HIVEP2: variants seen among roughly 807,000 people sequenced by gnomAD.
The protein encoded by HIVEP2 is transcription factor HIVEP2.
Under a neutral mutation model 180.7 loss-of-function variants are expected in HIVEP2, and 14 were observed. That is an observed-to-expected ratio of 0.08 (90% confidence interval 0.05 to 0.12). HIVEP2 has a LOEUF of 0.12. Among genes scored for constraint, HIVEP2 ranks in the 10% least tolerant of loss-of-function variants. The probability of loss-of-function intolerance (pLI) is 1.00; values close to 1 mark genes in which losing one functional copy is unlikely to be tolerated. For synonymous variants in HIVEP2, 1,184 were observed against 1,136.4 expected (o/e 1.04, Z -0.84); for missense variants, 2,579 against 3,008.5 (o/e 0.86, Z 3.34).
chr6:142,801,455 A>G (rs1298156502), intron 2 of HIVEP2, among the ~76,000 whole-genome samples: 1 of 151,818 alleles, frequency 6.6e-6, no homozygotes, highest in Non-Finnish European at 1.5e-5. Flanking sequence ...AGAAAGTTAG[A>G]TAACATTCTC....
chr6:142,790,149 T>C (rs953753616), intron 2 of HIVEP2, among the ~76,000 whole-genome samples: 4 of 152,284 alleles, frequency 2.6e-5, no homozygotes, highest in Non-Finnish European at 4.4e-5. Flanking sequence ...AGCTCTTTCA[T>C]TGAAAGTCAA....
At chr6:142,767,931 G>A (rs979418201) in intron 6 of HIVEP2, among the ~76,000 whole-genome samples, 4 of 152,182 alleles carry the variant, frequency 2.6e-5, no homozygotes, top group Non-Finnish European at 4.4e-5. Flanking sequence ...TCCCATTAAA[G>A]CCTCTAGTTT....
chr6:142,770,420 C>T lies in HIVEP2; in HGVS notation c.4319G>A (p.Arg1440Gln). The T allele has an allele frequency of 6.2e-7, 1 of 1,614,128 alleles. No individual in the cohort carries two copies. The highest frequency in any genetic ancestry group is 1.3e-5 in the African/African-American group (1 of 75,022). Residue 1440 changes from arginine to glutamine, a missense_variant, in exon 5 of 10, where the codon CGA becomes CAA. Arg to Gln is a conservative substitution (Grantham distance 43). Around this residue, in one of 11 missense-constraint regions of HIVEP2, gnomAD observed 29 missense variants for 64.7 expected, o/e 0.45. Coordinates refer to ENST00000367603, the MANE Select transcript of HIVEP2 (RefSeq NM_006734.4). The surrounding 1 kb of genome is among the most constrained non-coding windows in gnomAD (Gnocchi z 4.7). ...DSVATLGGSK[R>Q]MLSPASSLEL... is the part of the protein sequence containing the mutation. Reference sequence around the variant, plus strand: ...CAAGCTACTGGCTGGAGAAAGCATTCGCTTGCTACCTCCCAGGGTGGCCAC... The same window carrying T: ...CAAGCTACTGGCTGGAGAAAGCATTTGCTTGCTACCTCCCAGGGTGGCCAC...
intron 1 of HIVEP2, among the ~76,000 whole-genome samples, chr6:142,890,360 C>T (rs184847939): frequency 1.3e-5 from 2 of 152,226 alleles, no homozygotes; most frequent in African/African-American, 2.4e-5. Flanking sequence ...GCTTTTATTG[C>T]GTGTACTTCT....
At chr6:142,778,038 T>C (rs1775751385) in intron 3 of HIVEP2, among the ~76,000 whole-genome samples, 1 of 152,154 alleles carries the variant, frequency 6.6e-6, no homozygotes, top group Non-Finnish European at 1.5e-5. Flanking sequence ...CCCAGATATT[T>C]GTAGTAAGAC....
chr6:142,860,707 G>A (rs1379790296), intron 1 of HIVEP2, among the ~76,000 whole-genome samples: 1 of 152,144 alleles, frequency 6.6e-6, no homozygotes, highest in Non-Finnish European at 1.5e-5. Flanking sequence ...GATATGACAG[G>A]AGGCGGAGCT....
At chr6:142,882,907 T>C (rs1776608291) in intron 1 of HIVEP2, among the ~76,000 whole-genome samples, 1 of 152,112 alleles carries the variant, frequency 6.6e-6, no homozygotes, top group South Asian at 2.1e-4. Flanking sequence ...GGACCACATA[T>C]TAACCAGGAA....
chr6:142,879,833 CTGTTT>C (rs1456010595), intron 1 of HIVEP2, among the ~76,000 whole-genome samples: 1 of 152,118 alleles, frequency 6.6e-6, no homozygotes, highest in Non-Finnish European at 1.5e-5. Context: ...AGGCTGCGTT[CTGTTT>C]CCCTGGTTTA....
chr6:142,795,338 G>A (rs1481924911), intron 2 of HIVEP2, among the ~76,000 whole-genome samples: 1 of 151,832 alleles, frequency 6.6e-6, no homozygotes, highest in African/African-American at 2.4e-5. Context: ...TATCACTGAA[G>A]GGAAAAAATT....
At chr6:142,812,129 C>G (rs540611338) in intron 2 of HIVEP2, among the ~76,000 whole-genome samples, 1 of 152,026 alleles carries the variant, frequency 6.6e-6, no homozygotes. Context: ...TCCAGGGAGC[C>G]GAAGATGGTT....
chr6:142,825,810 G>A (rs1250770946), intron 2 of HIVEP2, among the ~76,000 whole-genome samples: 3 of 151,996 alleles, frequency 2.0e-5, no homozygotes, highest in Admixed American at 6.5e-5. Context: ...TAATTAAAGT[G>A]CCAATAATGA....
intron 2 of HIVEP2, among the ~76,000 whole-genome samples, chr6:142,810,787 A>G (rs1337691101): frequency 6.6e-6 from 1 of 151,692 alleles, no homozygotes; most frequent in Non-Finnish European, 1.5e-5. Context: ...AAACAAAAAA[A>G]GAAAGAAAGA....
intron 1 of HIVEP2, among the ~76,000 whole-genome samples, chr6:142,840,184 A>C (rs1366846089): frequency 6.6e-6 from 1 of 152,128 alleles, no homozygotes; most frequent in Non-Finnish European, 1.5e-5. Flanking sequence ...GGAAATCAAG[A>C]ATACCTTGAC....
At chr6:142,912,597 G>A (rs954698667) in intron 1 of HIVEP2, among the ~76,000 whole-genome samples, 1 of 152,238 alleles carries the variant, frequency 6.6e-6, no homozygotes, top group Non-Finnish European at 1.5e-5. Context: ...CAGGTGAGTG[G>A]TGGGCAAGCG....
intron 1 of HIVEP2, among the ~76,000 whole-genome samples, chr6:142,917,568 T>C (rs1777586514): frequency 6.6e-6 from 1 of 152,228 alleles, no homozygotes; most frequent in Admixed American, 6.5e-5. Context: ...ATTTCCTAAC[T>C]TATTTCATTA....
chr6:142,901,487 T>C (rs955597023), intron 1 of HIVEP2, among the ~76,000 whole-genome samples: 1 of 152,174 alleles, frequency 6.6e-6, no homozygotes, highest in African/African-American at 2.4e-5. Context: ...TACTACCCTA[T>C]TGTTTGGAAA....
chr6:142,772,475 G>A lies in HIVEP2; in HGVS notation c.2264C>T (p.Thr755Met), dbSNP rs779085758. ...GGGCCGACATGGGTCAAAGCGTTCC[G>A]TGTGACCATGAGAAAGGTTTTCGTG... ...AGHENLSHGH[T>M]ERFDPCRPQL... The change falls in exon 5 of 10, where the codon ACG becomes ATG. Residue 755 changes from threonine to methionine, a missense_variant. Around this residue, in one of 11 missense-constraint regions of HIVEP2, gnomAD observed 524 missense variants for 563.6 expected, o/e 0.93. Coordinates refer to ENST00000367603, the MANE Select transcript of HIVEP2 (RefSeq NM_006734.4). The surrounding 1 kb of genome is among the most constrained non-coding windows in gnomAD (Gnocchi z 4.9). 25 of 1,613,966 alleles carry A rather than the reference G, an allele frequency of 1.5e-5. No individual in the cohort carries two copies. The highest frequency in any genetic ancestry group is 8.3e-5 in the Admixed American group (5 of 60,008).
At chr6:142,877,511 G>A (rs1776473330) in intron 1 of HIVEP2, among the ~76,000 whole-genome samples, 2 of 151,960 alleles carry the variant, frequency 1.3e-5, no homozygotes, top group Non-Finnish European at 2.9e-5. Flanking sequence ...CACTATTTAG[G>A]ATTTACACAT....
rs144144407 is a variant in HIVEP2 at position 142,812,055 on chromosome 6, G to A, written c.-528+24880C>T. 3.4e-3 allele frequency among the ~76,000 whole-genome samples: 514 copies of A among 152,326 alleles called. 4 individuals are homozygous for A. Among genetic ancestry groups the A allele is most frequent in the Non-Finnish European group, 6.2e-3 (420 of 68,026 alleles). On this transcript the variant is annotated intron_variant, in intron 2 of 9. Coordinates refer to ENST00000367603, the MANE Select transcript of HIVEP2 (RefSeq NM_006734.4). ...GCCTGGAGAGAGTGTTCAGGCCATG[G>A]CCTAGGAAAGGGTGACCTAGGCAGA...
Sources: gnomAD v4.1 joint callset for allele counts (sites outside exome capture counted in the v4.1 genomes callset) on GRCh38, gnomAD v4.1.1 for gene constraint, gnomAD v4.1.1 regional missense constraint, Gnocchi (gnomAD v3.1) non-coding constraint, MANE v1.5 for transcripts, NCBI Gene and HGNC (gene_info 2026-07-23, HGNC 2026-07-21) for gene names.